The following NRG1 variants were observed in gnomAD, a reference collection of about 807,000 sequenced individuals.
NRG1 encodes the protein neuregulin 1.
NRG1 carries 18 observed loss-of-function variants against 63.8 expected under a neutral mutation model. The ratio of observed to expected loss-of-function variants is 0.28; its 90% CI spans 0.19 to 0.42. The LOEUF (loss-of-function observed/expected upper bound fraction) is 0.42, where lower values mean the gene tolerates loss of function less well. NRG1 is among the 10% of genes least tolerant of loss of function. The pLI is 1.00. For missense variants in NRG1, 762 were observed against 814.7 expected, an observed-to-expected ratio of 0.94 and a Z score of 0.79; for synonymous variants, 302 against 301.3, an observed-to-expected ratio of 1.00 and a Z score of -0.02.
chr8:32,642,084 A>T (rs985033709), intron 5 of NRG1, among the ~76,000 whole-genome samples: 4 of 152,216 alleles, frequency 2.6e-5, no homozygotes, highest in African/African-American at 9.6e-5. Flanking sequence ...ACTTTGGAAC[A>T]ATCAGAGAAA....
Position 32,667,791 on chromosome 8 carries a change from T to C in NRG1, c.502+50906T>C, listed in dbSNP as rs1317107452. ...TTGATTACTGACACACCCAAACTAT[T>C]TCAAACCAGTTAGTTCAAAAATGCA... is the stretch of plus-strand genomic sequence containing the variant. On this transcript the variant is annotated intron_variant, in intron 5 of 11. Transcript: ENST00000356819. Among the ~76,000 whole-genome samples the C allele has an allele frequency of 4.6e-5, 7 of 152,264 alleles. No homozygotes were observed. In the East Asian group the frequency reaches 9.6e-4, roughly 21 times the overall value.
chr8:32,754,881 A>G (rs935840806), intron 8 of NRG1, among the ~76,000 whole-genome samples: 11 of 152,128 alleles, frequency 7.2e-5, no homozygotes, highest in African/African-American at 2.7e-4. Context: ...AAAAACTTCT[A>G]TGAGTTAGAG....
At chr8:32,168,128 G>C (rs1839600877) in intron 1 of NRG1, among the ~76,000 whole-genome samples, 1 of 152,038 alleles carries the variant, frequency 6.6e-6, no homozygotes, top group South Asian at 2.1e-4. Flanking sequence ...TCAACTAGAA[G>C]AGCAATCACA....
At chr8:32,455,181 G>C (rs1821450632) in intron 1 of NRG1, among the ~76,000 whole-genome samples, 1 of 152,082 alleles carries the variant, frequency 6.6e-6, no homozygotes, top group Admixed American at 6.6e-5. Flanking sequence ...AACAAATTCA[G>C]CTCCGGACTT....
intron 1 of NRG1, among the ~76,000 whole-genome samples, chr8:32,208,838 T>C (rs1844353035): frequency 6.6e-6 from 1 of 152,208 alleles, no homozygotes; most frequent in Admixed American, 6.5e-5. Context: ...CTTGGAAGAA[T>C]ATGGATGTAC....
downstream of NRG1, among the ~76,000 whole-genome samples, chr8:32,768,868 G>T (rs1011138948): frequency 6.6e-6 from 1 of 152,118 alleles, no homozygotes; most frequent in African/African-American, 2.4e-5. Flanking sequence ...CTCCATCTGT[G>T]TACCTAATTC....
chr8:32,226,312 C>G (rs991456285), intron 1 of NRG1, among the ~76,000 whole-genome samples: 1 of 152,134 alleles, frequency 6.6e-6, no homozygotes, highest in Non-Finnish European at 1.5e-5. Context: ...ATCTATTACT[C>G]AAATTTGGCA....
rs1022243002 is a variant in NRG1 at position 32,712,738 on chromosome 8, A to G, written c.503-15211A>G. ...GATGGTTTTTAGGGTAGTTATGGTT[A>G]AGATTTTGGTGCCACGCCTGATATT... On this transcript the variant is annotated intron_variant, in intron 5 of 11. Coordinates refer to ENST00000356819, the Ensembl canonical transcript of NRG1. Among the ~76,000 whole-genome samples the G allele has an allele frequency of 7.9e-5, 12 of 152,102 alleles. No homozygotes were observed. The South Asian group carries it at 1.5e-3, about 18-fold the overall frequency.
intron 1 of NRG1, among the ~76,000 whole-genome samples, chr8:31,907,716 C>A (rs776909639): frequency 6.6e-6 from 1 of 152,110 alleles, no homozygotes; most frequent in Non-Finnish European, 1.5e-5. Context: ...AATAAACTTA[C>A]GTCTTCTTAG....
intron 1 of NRG1, among the ~76,000 whole-genome samples, chr8:31,893,155 T>A: frequency 6.7e-6 from 1 of 150,182 alleles, no homozygotes; most frequent in Middle Eastern, 3.6e-3. Context: ...TTTTGATAAA[T>A]AATAGTATAA....
At chr8:32,467,352 G>A (rs10954849) in intron 1 of NRG1, among the ~76,000 whole-genome samples, 96,340 of 151,848 alleles carry the variant, frequency 0.63, 30,817 homozygotes, top group East Asian at 0.79. Context: ...TTTTGGTCCC[G>A]GAGCCCCCAT....
chr8:32,571,181 T>C (rs750554069), intron 1 of NRG1, among the ~76,000 whole-genome samples: 43 of 152,298 alleles, frequency 2.8e-4, no homozygotes, highest in Middle Eastern at 3.4e-3. Context: ...AAATTAAAGA[T>C]ACAGCAATGA....
chr8:32,709,063 C>T (rs1464197347), intron 5 of NRG1, among the ~76,000 whole-genome samples: 1 of 152,048 alleles, frequency 6.6e-6, no homozygotes, highest in Non-Finnish European at 1.5e-5. Flanking sequence ...CCGAAGATTC[C>T]CTTTTTGCTT....
At chr8:32,678,061 A>G (rs2466084) in intron 5 of NRG1, among the ~76,000 whole-genome samples, 49,547 of 152,088 alleles carry the variant, frequency 0.33, 9,487 homozygotes, top group East Asian at 0.56. Context: ...ATCACATTAT[A>G]TTACTGACAA....
At chr8:32,475,463 C>CA (rs55906650) in intron 1 of NRG1, among the ~76,000 whole-genome samples, 4,312 of 81,682 alleles carry the variant, frequency 0.053, 188 homozygotes, top group Middle Eastern at 0.11. Flanking sequence ...GACTCTGTCT[C>CA]AAAAAAAAAA....
At chr8:32,229,908 T>G (rs371461023) in intron 1 of NRG1, among the ~76,000 whole-genome samples, 1 of 152,138 alleles carries the variant, frequency 6.6e-6, no homozygotes, top group African/African-American at 2.4e-5. Context: ...GCACTGCTCA[T>G]TAGAAATAGC....
intron 1 of NRG1, among the ~76,000 whole-genome samples, chr8:32,473,291 A>T (rs577371985): frequency 3.9e-5 from 6 of 152,364 alleles, no homozygotes; most frequent in African/African-American, 1.2e-4. Flanking sequence ...GCCTTAGTGC[A>T]CAGTGATGGA....
intron 1 of NRG1, among the ~76,000 whole-genome samples, chr8:31,896,565 G>A (rs553200540): frequency 5.3e-5 from 8 of 152,268 alleles, no homozygotes; most frequent in South Asian, 4.1e-4. Flanking sequence ...TGTCTGGAGC[G>A]TTAGTGTTCA....
intron 1 of NRG1, among the ~76,000 whole-genome samples, chr8:31,842,269 A>G (rs1826268225): frequency 6.6e-6 from 1 of 152,224 alleles, no homozygotes; most frequent in African/African-American, 2.4e-5. Context: ...GCACACAACC[A>G]GCTACTCATA....
Sources: gnomAD v4.1 joint callset for allele counts (sites outside exome capture counted in the v4.1 genomes callset) on GRCh38, gnomAD v4.1.1 for gene constraint, MANE v1.5 for transcripts, NCBI Gene and HGNC (gene_info 2026-07-23, HGNC 2026-07-21) for gene names.